HDAC3: variants seen among roughly 807,000 people sequenced by gnomAD.
HDAC3 encodes SMAP45.
HDAC3 carries 21 observed loss-of-function variants against 62.3 expected under a neutral mutation model. That is an observed-to-expected ratio of 0.34 (90% confidence interval 0.24 to 0.49). The LOEUF is 0.49. Among genes scored for constraint, HDAC3 ranks in the 20% least tolerant of loss-of-function variants. The pLI is 0.99. For synonymous variants in HDAC3, 198 were observed against 206.5 expected, an observed-to-expected ratio of 0.96 and a Z score of 0.35; for missense variants, 270 against 556.9, an observed-to-expected ratio of 0.48 and a Z score of 5.19.
At chr5:141,623,955 G>A (rs960615948) in intron 14 of HDAC3, among the ~76,000 whole-genome samples, 1 of 149,392 alleles carries the variant, frequency 6.7e-6, no homozygotes, top group Non-Finnish European at 1.5e-5. Flanking sequence ...AAAGTTTTGG[G>A]ATTAAAAAAA....
intron 14 of HDAC3, 94 bp from the exon 15 acceptor site, chr5:141,621,631 G>T: frequency 2.2e-6 from 2 of 927,642 alleles, no homozygotes; most frequent in Non-Finnish European, 3.5e-6. Flanking sequence ...GCCCCGTTGA[G>T]AACCACTCCT....
chr5:141,628,589 C>A lies in HDAC3; in HGVS notation c.661G>T (p.Val221Leu), dbSNP rs374747159. Residue 221 changes from valine (V) to leucine (L), a missense_variant, in exon 8 of 15, where the codon GTG becomes TTG. By Grantham distance (32) the Val-to-Leu change is conservative (BLOSUM62 1). Around this residue, in one of 5 missense-constraint regions of HDAC3, gnomAD observed 156 missense variants for 383.9 expected, o/e 0.41. Coordinates refer to ENST00000305264, the MANE Select transcript of HDAC3 (RefSeq NM_003883.4). This position sits in a 1 kb window ranked among gnomAD's most constrained non-coding sequence, Gnocchi z 4.7. ...AESGRYYCLN[V>L]PLRDGIDDQS... The stretch of plus-strand genomic sequence containing the variant: ...TCATCAATGCCATCCCGCAGGGGCA[C>A]GTTCAGACAGTAGTAGCGGCCACTC... The A allele has an allele frequency of 1.2e-6, 2 of 1,614,100 alleles. No individual in the cohort carries two copies. The highest frequency in any genetic ancestry group is 1.1e-5 in the South Asian group (1 of 91,076).
At position 141,628,029 on chromosome 5, in the gene HDAC3, C is replaced by A; in HGVS notation, c.766-72G>T. On this transcript the variant is annotated intron_variant, in intron 9 of 14. Transcript: ENST00000305264. This position sits in a 1 kb window ranked among gnomAD's most constrained non-coding sequence, Gnocchi z 4.7. ...AGAACATCACAGATACCCCTTCCACCACCAACCTAAAGAACCTCCTCTTCC... is the reference window on the plus strand; with the variant it reads ...AGAACATCACAGATACCCCTTCCACAACCAACCTAAAGAACCTCCTCTTCC... 1.2e-6 allele frequency: 2 copies of A among 1,600,858 alleles called. No individual in the cohort carries two copies. Among genetic ancestry groups the A allele is most frequent in the Non-Finnish European group, 1.7e-6 (2 of 1,167,974 alleles).
rs755685356 is a variant in HDAC3, at chr5:141,627,878, G to A, written c.830+15C>T. ...ACTTAAAAACCTTGGGGAGAAGAAGGAGAGCAAGTCTCACCCATGCCCTCG... is the reference window on the plus strand; with the variant it reads ...ACTTAAAAACCTTGGGGAGAAGAAGAAGAGCAAGTCTCACCCATGCCCTCG... On this transcript the variant is annotated intron_variant, in intron 10 of 14. Coordinates refer to ENST00000305264, the MANE Select transcript of HDAC3 (RefSeq NM_003883.4). 7.4e-6 allele frequency: 12 copies of A among 1,613,660 alleles called. No individual in the cohort carries two copies. Among genetic ancestry groups the A allele is most frequent in the Non-Finnish European group, 8.5e-6 (10 of 1,179,758 alleles).
chr5:141,632,769 G>T (rs1156318390), intron 3 of HDAC3, among the ~76,000 whole-genome samples: 1 of 152,230 alleles, frequency 6.6e-6, no homozygotes, highest in South Asian at 2.1e-4. Context: ...TGAAGGCTGA[G>T]AAGGCCTTGA....
At chr5:141,636,225 C>A in intron 2 of HDAC3, 1 of 359,184 alleles carries the variant, frequency 2.8e-6, no homozygotes, top group Non-Finnish European at 5.3e-6. Context: ...ATTCCTGAGG[C>A]CAAGGCCCTA....
intron 14 of HDAC3, among the ~76,000 whole-genome samples, chr5:141,624,471 C>T (rs1384985535): frequency 2.1e-5 from 3 of 141,698 alleles, no homozygotes; most frequent in Non-Finnish European, 4.5e-5. Context: ...GCAGGAGGAT[C>T]GCTTGAACCC....
At chr5:141,631,256 C>T (rs375783445) in intron 3 of HDAC3, among the ~76,000 whole-genome samples, 9 of 152,022 alleles carry the variant, frequency 5.9e-5, no homozygotes, top group Admixed American at 3.3e-4. Context: ...GGTGCGATCT[C>T]GGCTCACTGC....
At chr5:141,636,407 C>T in intron 2 of HDAC3, 141 bp downstream of exon 2, 1 of 727,254 alleles carries the variant, frequency 1.4e-6, no homozygotes, top group South Asian at 1.6e-5. Flanking sequence ...CCTGCACTTT[C>T]AAGGTACTCC....
rs144628116 is a variant in HDAC3 at position 141,634,103 on chromosome 5, C to T, written c.281+708G>A. Among the ~76,000 whole-genome samples the T allele has an allele frequency of 8.0e-3, 1,216 of 152,256 alleles. 21 individuals are homozygous for T. Among genetic ancestry groups the T allele is most frequent in the African/African-American group, 0.028 (1,155 of 41,522 alleles). ...GACTCTTCTATGGATGATACAAGCT[C>T]AATGTAAACCTAATGATATCAAACC... On this transcript the variant is annotated intron_variant, in intron 3 of 14. Transcript: ENST00000305264.
Position 141,625,926 on chromosome 5 carries a change from A to G in HDAC3, c.979+87T>C. 7.2e-7 allele frequency: 1 copy of G among 1,385,376 alleles called. No homozygotes were observed. Among genetic ancestry groups the G allele is most frequent in the Admixed American group, 1.7e-5 (1 of 59,594 alleles). The allele number at this position is 1,385,376 out of a possible 1,614,324, so 85.8% of individuals were successfully genotyped here. A position where few individuals can be genotyped will look rare whatever the true frequency, so the allele number is the denominator to read the frequency against. ...GTCTGCAGAGCTCTGAGAGTGTAAA[A>G]TTTCCCATGTGCCTTCAAACCAGGT... On this transcript the variant is annotated intron_variant, in intron 12 of 14. Coordinates refer to ENST00000305264, the MANE Select transcript of HDAC3 (RefSeq NM_003883.4). This position sits in a 1 kb window ranked among gnomAD's most constrained non-coding sequence, Gnocchi z 4.0.
chr5:141,629,544 G>T lies in HDAC3; in HGVS notation c.476+140C>A. The T allele has an allele frequency of 1.1e-6, 1 of 949,402 alleles. No individual in the cohort carries two copies. The highest frequency in any genetic ancestry group is 1.5e-5 in the South Asian group (1 of 68,524). The allele number at this position is 949,402 out of a possible 1,614,324, so 58.8% of individuals were successfully genotyped here. On this transcript the variant is annotated intron_variant, in intron 6 of 14. Transcript: ENST00000305264. The surrounding 1 kb of genome is among the most constrained non-coding windows in gnomAD (Gnocchi z 5.3). ...AGGCAGTAGGGAATCTGCAGCAGTG[G>T]AAGAGGCAGCCTGAATAAAGCATCA...
chr5:141,634,718 C>G, intron 3 of HDAC3, 93 bp downstream of exon 3: 3 of 1,189,190 alleles, frequency 2.5e-6, no homozygotes, highest in South Asian at 2.9e-5. Flanking sequence ...GACAAGTAGG[C>G]CCCCCTTGAG....
chr5:141,623,809 C>T (rs2099904020), intron 14 of HDAC3, among the ~76,000 whole-genome samples: 1 of 152,202 alleles, frequency 6.6e-6, no homozygotes, highest in Non-Finnish European at 1.5e-5. Flanking sequence ...TCTAACCCTG[C>T]GTGGGAGCAA....
intron 14 of HDAC3, among the ~76,000 whole-genome samples, chr5:141,624,059 A>AT (rs1562364603): frequency 6.6e-6 from 1 of 151,682 alleles, no homozygotes; most frequent in Non-Finnish European, 1.5e-5. Flanking sequence ...AAAAAAAAAA[A>AT]AAACATAACC....
In HDAC3 at chr5:141,623,156, C is replaced by A. The variant is rs140109736; in HGVS notation, c.1218-1619G>T. Among the ~76,000 whole-genome samples, 3 of 152,200 alleles carry A rather than the reference C, an allele frequency of 2.0e-5. No homozygotes were observed. The East Asian group carries it at 5.8e-4, about 29-fold the overall frequency. On this transcript the variant is annotated intron_variant, in intron 14 of 14. Transcript: ENST00000305264. The stretch of plus-strand genomic sequence containing the variant: ...AGAAAGAAAGAAAGTTACTTAGACT[C>A]TCTGAGCCTTAGATTCCTCCCGTGT...
intron 14 of HDAC3, among the ~76,000 whole-genome samples, chr5:141,623,749 A>G (rs990601472): frequency 1.3e-5 from 2 of 152,146 alleles, no homozygotes; most frequent in African/African-American, 4.8e-5. Context: ...AGCAGATTCT[A>G]GAAGGGGCTG....
Position 141,626,784 on chromosome 5 carries a change from GTATA to G in HDAC3, c.831-505_831-502del, listed in dbSNP as rs368519118. ...AACATATATATGTGTGTGTGTGTGT[GTATA>G]TATATATATATACACACACACACAC... On this transcript the variant is annotated intron_variant, in intron 10 of 14. Coordinates refer to ENST00000305264, the MANE Select transcript of HDAC3 (RefSeq NM_003883.4). The surrounding 1 kb of genome is among the most constrained non-coding windows in gnomAD (Gnocchi z 4.6). Among the ~76,000 whole-genome samples, 145 of 129,804 alleles carry G rather than the reference GTATA, an allele frequency of 1.1e-3. 1 individual carries two copies. Among genetic ancestry groups the G allele is most frequent in the African/African-American group, 3.8e-3 (132 of 35,172 alleles). 85.2% of individuals were successfully genotyped at this position (129,804 alleles called of 152,430 possible).
At chr5:141,621,887 A>G (rs1277237212) in intron 14 of HDAC3, among the ~76,000 whole-genome samples, 1 of 152,240 alleles carries the variant, frequency 6.6e-6, no homozygotes, top group Admixed American at 6.5e-5. Flanking sequence ...ACTGAAGGTG[A>G]TGAGAGGAAA....
Sources: gnomAD v4.1 joint callset for allele counts (sites outside exome capture counted in the v4.1 genomes callset) on GRCh38, gnomAD v4.1.1 for gene constraint, gnomAD v4.1.1 regional missense constraint, Gnocchi (gnomAD v3.1) non-coding constraint, MANE v1.5 for transcripts, NCBI Gene and HGNC (gene_info 2026-07-23, HGNC 2026-07-21) for gene names.